The following STAP1 variants were observed in gnomAD, a reference collection of about 807,000 sequenced individuals.
STAP1 encodes the protein signal-transducing adaptor protein 1.
In STAP1, 30 loss-of-function variants were observed where a neutral mutation model predicts 37.8. The ratio of observed to expected loss-of-function variants is 0.79; its 90% CI spans 0.59 to 1.08. STAP1 has a LOEUF of 1.08. Ranked by LOEUF, STAP1 falls within the 50% of genes least tolerant of loss-of-function variation. The pLI is 0.00. For synonymous variants in STAP1, 130 were observed against 116.0 expected, an observed-to-expected ratio of 1.12 and a Z score of -0.78; for missense variants, 357 against 349.4, an observed-to-expected ratio of 1.02 and a Z score of -0.17.
chr4:67,577,792 G>A (rs537598247), intron 4 of STAP1, among the ~76,000 whole-genome samples: 2 of 151,816 alleles, frequency 1.3e-5, no homozygotes, highest in South Asian at 4.2e-4. Flanking sequence ...GGGATTACAG[G>A]CATGCACCAT....
intron 6 of STAP1, among the ~76,000 whole-genome samples, chr4:67,587,114 T>A (rs1037708757): frequency 1.3e-5 from 2 of 152,218 alleles, no homozygotes; most frequent in African/African-American, 4.8e-5. Flanking sequence ...ACTTAAAGGA[T>A]AACAGTTGTA....
At chr4:67,590,846 T>C (rs1728104305) in intron 6 of STAP1, 38 bp from the exon 7 acceptor site, 3 of 1,479,306 alleles carry the variant, frequency 2.0e-6, no homozygotes, top group Admixed American at 1.8e-5. Context: ...TACCCAATTG[T>C]ATAATAAAAT....
chr4:67,583,790 G>A (rs1727920432), intron 6 of STAP1, 88 bp downstream of exon 6: 32 of 1,466,212 alleles, frequency 2.2e-5, no homozygotes, highest in South Asian at 2.7e-5. Context: ...TATGTGTTTC[G>A]TTGGGGCTGA....
intron 4 of STAP1, among the ~76,000 whole-genome samples, chr4:67,579,579 C>T (rs1471088385): frequency 6.6e-6 from 1 of 152,078 alleles, no homozygotes; most frequent in Non-Finnish European, 1.5e-5. Context: ...CTGGGAAGGG[C>T]CTCAAGGAGC....
At chr4:67,583,376 C>T (rs778350067) in intron 5 of STAP1, among the ~76,000 whole-genome samples, 198 bp from the exon 6 acceptor site, 15 of 152,110 alleles carry the variant, frequency 9.9e-5, no homozygotes, top group Non-Finnish European at 1.9e-4. Flanking sequence ...GGAAGGAAGA[C>T]CTTAACGTTA....
At chr4:67,596,655 G>C (rs975434428) in intron 8 of STAP1, among the ~76,000 whole-genome samples, 1 of 152,232 alleles carries the variant, frequency 6.6e-6, no homozygotes, top group Non-Finnish European at 1.5e-5. Flanking sequence ...TCGAGTAAGA[G>C]TCATTCATGC....
chr4:67,580,221 T>G (rs1727820538), intron 4 of STAP1, among the ~76,000 whole-genome samples: 1 of 152,206 alleles, frequency 6.6e-6, no homozygotes, highest in South Asian at 2.1e-4. Flanking sequence ...ATGCTTGAGC[T>G]ATAATAGTCA....
chr4:67,571,415 T>G lies in STAP1; in HGVS notation c.192+260T>G, dbSNP rs13112251. The stretch of plus-strand genomic sequence containing the variant: ...TTCTGATTCTGATAACTAAACTTAG[T>G]TAAAAAGTGAAAATTTTTGACAAGA... On this transcript the variant is annotated intron_variant, in intron 2 of 8. Coordinates refer to ENST00000265404, the MANE Select transcript of STAP1 (RefSeq NM_012108.4). Among the ~76,000 whole-genome samples, 39,000 of 152,136 alleles carry G rather than the reference T, an allele frequency of 0.26. 5,329 individuals carry two copies. The highest frequency in any genetic ancestry group is 0.34 in the Middle Eastern group (101 of 294).
Position 67,582,988 on chromosome 4 carries a change from A to C in STAP1, c.531-586A>C, listed in dbSNP as rs575010255. Reference sequence around the variant, plus strand: ...TGCATTTTCAGCTTACGATATTTTCAACTTACAGTGGGTTTATCGGGATAT... The same window carrying C: ...TGCATTTTCAGCTTACGATATTTTCCACTTACAGTGGGTTTATCGGGATAT... On this transcript the variant is annotated intron_variant, in intron 5 of 8. Transcript: ENST00000265404. 3.9e-5 allele frequency among the ~76,000 whole-genome samples: 6 copies of C among 152,324 alleles called. No individual in the cohort carries two copies. In the East Asian group the frequency reaches 1.2e-3, roughly 29 times the overall value.
Position 67,558,848 on chromosome 4 carries a change from G to A in STAP1, c.39G>A (p.Arg13=). Residue 13 remains arginine (R), a synonymous_variant, in exon 1 of 9, where the codon AGG becomes AGA. Transcript: ENST00000265404. ...AGCCCCCAAAACCAGCCCCTCGCAG[G>A]ATCTTCCAGGAAAGGTTAAAGATTA... ...AKKPPKPAPR[R]IFQERLKITA... 2 of 1,613,556 alleles carry A rather than the reference G, an allele frequency of 1.2e-6. No homozygotes were observed. The highest frequency in any genetic ancestry group is 1.3e-5 in the African/African-American group (1 of 75,006).
At chr4:67,564,684 G>A (rs1344598289) in intron 1 of STAP1, among the ~76,000 whole-genome samples, 1 of 152,038 alleles carries the variant, frequency 6.6e-6, no homozygotes, top group Non-Finnish European at 1.5e-5. Flanking sequence ...AGCCTGAGGC[G>A]GGTGGATCAC....
chr4:67,592,333 T>C (rs1728137118), intron 7 of STAP1, among the ~76,000 whole-genome samples: 1 of 152,208 alleles, frequency 6.6e-6, no homozygotes, highest in Non-Finnish European at 1.5e-5. Flanking sequence ...CTGGTATATT[T>C]ATTCTGATTT....
rs1218211079 is a variant in STAP1 at position 67,583,679 on chromosome 4, C to T, written c.636C>T (p.Ser212=). ...LRPGSDSRNY[S]ITIRQEIDIP... Reference sequence around the variant, plus strand: ...CTGGTAGTGACAGTAGAAACTACTCCATCACTATTCGGCAGGAGATAGAGT... The same window carrying T: ...CTGGTAGTGACAGTAGAAACTACTCTATCACTATTCGGCAGGAGATAGAGT... The change falls in exon 6 of 9, where the codon TCC becomes TCT. Residue 212 remains serine, a synonymous_variant. Coordinates refer to ENST00000265404, the MANE Select transcript of STAP1 (RefSeq NM_012108.4). The T allele has an allele frequency of 1.9e-6, 3 of 1,612,950 alleles. No homozygotes were observed. The highest frequency in any genetic ancestry group is 2.2e-5 in the East Asian group (1 of 44,842).
intron 1 of STAP1, among the ~76,000 whole-genome samples, chr4:67,562,828 C>T (rs1443667479): frequency 6.6e-6 from 1 of 150,920 alleles, no homozygotes; most frequent in Non-Finnish European, 1.5e-5. Context: ...TATATATTCC[C>T]GTACTATTAA....
At chr4:67,604,275 A>C (rs1481097784) in intron 8 of STAP1, among the ~76,000 whole-genome samples, 3 of 152,198 alleles carry the variant, frequency 2.0e-5, no homozygotes, top group Non-Finnish European at 4.4e-5. Flanking sequence ...GCAATTCAAG[A>C]CTATTTTTCC....
At chr4:67,577,651 C>CTTTCTTTTTTTTT (rs144082927) in intron 4 of STAP1, among the ~76,000 whole-genome samples, 1 of 91,544 alleles carries the variant, frequency 1.1e-5, no homozygotes, top group Non-Finnish European at 2.2e-5. Context: ...TTCTTTCTTT[C>CTTTCTTTTTTTTT]TTTTTTTTTT....
intron 6 of STAP1, among the ~76,000 whole-genome samples, chr4:67,590,000 CATT>C (rs1427435617): frequency 6.6e-6 from 1 of 152,034 alleles, no homozygotes; most frequent in Admixed American, 6.6e-5. Flanking sequence ...GATGGGGTCT[CATT>C]ATGTTGCCCA....
At chr4:67,586,783 GC>G (rs1251005123) in intron 6 of STAP1, among the ~76,000 whole-genome samples, 3 of 152,140 alleles carry the variant, frequency 2.0e-5, no homozygotes, top group Non-Finnish European at 2.9e-5. Flanking sequence ...AGAAATTCAT[GC>G]TTTTGTTAGC....
chr4:67,566,603 A>G (rs1289023759), intron 1 of STAP1, among the ~76,000 whole-genome samples: 1 of 152,130 alleles, frequency 6.6e-6, no homozygotes, highest in African/African-American at 2.4e-5. Context: ...CTGCCTCCCA[A>G]ACACACCTAT....
Sources: gnomAD v4.1 joint callset for allele counts (sites outside exome capture counted in the v4.1 genomes callset) on GRCh38, gnomAD v4.1.1 for gene constraint, MANE v1.5 for transcripts, NCBI Gene and HGNC (gene_info 2026-07-23, HGNC 2026-07-21) for gene names.